The following CEP72 variants were observed in gnomAD, a reference collection of about 807,000 sequenced individuals.
CEP72 encodes centrosomal protein of 72 kDa.
CEP72 carries 78 observed loss-of-function variants against 65.7 expected under a neutral mutation model. The ratio of observed to expected loss-of-function variants is 1.19; its 90% CI spans 0.99 to 1.43. CEP72 has a LOEUF of 1.43. Among genes scored for constraint, CEP72 ranks in the 40% most tolerant of loss-of-function variants. The pLI is 0.00. For synonymous variants in CEP72, 358 were observed against 351.7 expected (o/e 1.02, Z -0.20); for missense variants, 914 against 832.9 (o/e 1.10, Z -1.20).
chr5:659,204 C>T (rs925968766), downstream of CEP72, among the ~76,000 whole-genome samples: 9 of 152,382 alleles, frequency 5.9e-5, no homozygotes, highest in African/African-American at 1.2e-4. Context: ...TCCTGGAGCG[C>T]GAGGCGCGCG....
At chr5:648,361 GTGAGGTGTGA>G (rs1412100987) in intron 11 of CEP72, among the ~76,000 whole-genome samples, 14 of 101,306 alleles carry the variant, frequency 1.4e-4, no homozygotes, top group African/African-American at 5.6e-4. Context: ...AGGTGTGACT[GTGAGGTGTGA>G]CCACGAGGCA....
chr5:643,555 A>G, intron 9 of CEP72: 1 of 985,342 alleles, frequency 1.0e-6, no homozygotes, highest in Non-Finnish European at 1.2e-6. Flanking sequence ...CCCCAGCACG[A>G]GGCTTCTGCT....
At position 635,461 on chromosome 5, in the gene CEP72, A is replaced by G; in HGVS notation, c.781A>G (p.Arg261Gly). The G allele has an allele frequency of 6.2e-7, 1 of 1,614,056 alleles. No homozygotes were observed. The highest frequency in any genetic ancestry group is 8.5e-7 in the Non-Finnish European group (1 of 1,179,908). The change falls in exon 6 of 12, where the codon AGA becomes GGA. Residue 261 changes from arginine to glycine, a missense_variant. Transcript: ENST00000264935. ...CCGTGAGACGAGGAGGAGCAGCTGC[A>G]GAGGGTGCTGTCTGGAGAAGATGCC... ...QGRETRRSSC[R>G]GCCLEKMPWS...
At position 619,092 on chromosome 5, in the gene CEP72, C is replaced by G; in HGVS notation, c.185C>G (p.Ser62Trp). The change falls in exon 2 of 12, where the codon TCG becomes TGG. Residue 62 changes from serine to tryptophan, a missense_variant. Ser to Trp is a radical substitution (Grantham distance 177). Coordinates refer to ENST00000264935, the MANE Select transcript of CEP72 (RefSeq NM_018140.4). The stretch of plus-strand genomic sequence containing the variant: ...ACAGGTCTGAAATCTTTGGATCTCT[C>G]GCGCAACTCCTTGGTTAGTCTGGAG... Reference protein sequence around the residue: ...SLTGLKSLDLSRNSLVSLEGI... With the variant: ...SLTGLKSLDLWRNSLVSLEGI... 6.2e-7 allele frequency: 1 copy of G among 1,613,700 alleles called. No homozygotes were observed. The highest frequency in any genetic ancestry group is 8.5e-7 in the Non-Finnish European group (1 of 1,179,666).
chr5:615,218 C>G lies in CEP72; in HGVS notation c.82+2775C>G, dbSNP rs764545931. 4.0e-4 allele frequency among the ~76,000 whole-genome samples: 60 copies of G among 149,892 alleles called. 1 individual carries two copies. Among genetic ancestry groups the G allele is most frequent in the Non-Finnish European group, 3.8e-4 (26 of 67,732 alleles). On this transcript the variant is annotated intron_variant, in intron 1 of 11. Coordinates refer to ENST00000264935, the MANE Select transcript of CEP72 (RefSeq NM_018140.4). ...TGGCACGATCTTGGGTCACTGCAACCTCTGCCTCCCGGGTTCACATGATTC... is the reference window on the plus strand; with the variant it reads ...TGGCACGATCTTGGGTCACTGCAACGTCTGCCTCCCGGGTTCACATGATTC...
Position 643,770 on chromosome 5 carries a change from G to T in CEP72, c.1540-529G>T, listed in dbSNP as rs914948950. On this transcript the variant is annotated intron_variant, in intron 9 of 11. Coordinates refer to ENST00000264935, the MANE Select transcript of CEP72 (RefSeq NM_018140.4). ...GGGCCAGGGAGGGGCAGAGGCTGCC[G>T]TGTAGCTGCAGGCGTGGCCCTTTCC... 1.5e-5 allele frequency: 8 copies of T among 543,684 alleles called. No homozygotes were observed. The South Asian group carries it at 5.5e-4, about 38-fold the overall frequency. The allele number at this position is 543,684 out of a possible 1,614,324, so 33.7% of individuals were successfully genotyped here. A position where few individuals can be genotyped will look rare whatever the true frequency, so the allele number is the denominator to read the frequency against.
chr5:615,192 G>A (rs1267076253), intron 1 of CEP72, among the ~76,000 whole-genome samples: 2 of 146,132 alleles, frequency 1.4e-5, no homozygotes, highest in Admixed American at 7.0e-5. Context: ...CTGGAGTGCA[G>A]TGGCACGATC....
downstream of CEP72, chr5:653,617 C>T (rs1009147054): frequency 6.5e-6 from 1 of 152,924 alleles, no homozygotes; most frequent in African/African-American, 2.4e-5. Flanking sequence ...TTTTATAGAA[C>T]AAGCTGTGCA....
downstream of CEP72, among the ~76,000 whole-genome samples, chr5:668,288 C>T (rs1469654310): frequency 2.4e-3 from 176 of 73,712 alleles, 23 homozygotes; most frequent in African/African-American, 8.0e-3. Flanking sequence ...CGCGTGGGCG[C>T]CGTCAGGGAA....
chr5:656,398 G>C (rs902508738), downstream of CEP72, among the ~76,000 whole-genome samples: 1 of 152,150 alleles, frequency 6.6e-6, no homozygotes, highest in Non-Finnish European at 1.5e-5. Context: ...TGCAGTACTG[G>C]GTTTTACAAG....
chr5:652,982 C>T lies in CEP72; in HGVS notation c.1779-6C>T, dbSNP rs773466611. On this transcript the variant is annotated splice_region_variant and splice_polypyrimidine_tract_variant and intron_variant, in intron 11 of 11. Transcript: ENST00000264935. ...GCCAAGCAGCCGCTTCCCTGTTGTT[C>T]TGCAGCTCCCTGGTCAGCACCAATG... is the stretch of plus-strand genomic sequence containing the variant. 6.2e-7 allele frequency: 1 copy of T among 1,600,618 alleles called. No individual in the cohort carries two copies. Among genetic ancestry groups the T allele is most frequent in the South Asian group, 1.1e-5 (1 of 89,244 alleles).
Position 640,507 on chromosome 5 carries a change from G to A in CEP72, c.1442G>A (p.Ser481Asn), listed in dbSNP as rs531798444. 1.6e-5 allele frequency: 26 copies of A among 1,614,170 alleles called. No individual in the cohort carries two copies. The highest frequency in any genetic ancestry group is 1.6e-4 in the Middle Eastern group (1 of 6,062). The change falls in exon 9 of 12, where the codon AGT becomes AAT. Residue 481 changes from serine (S) to asparagine (N), a missense_variant. Transcript: ENST00000264935. Reference sequence around the variant, plus strand: ...GATGTCGGCTCCCTGGCTCTGGAGAGTAAGTCCCTGCAAAGCCGCCTTGCT... The same window carrying A: ...GATGTCGGCTCCCTGGCTCTGGAGAATAAGTCCCTGCAAAGCCGCCTTGCT... ...GEDVGSLALESKSLQSRLAEQ... is the reference protein window; with the variant it reads ...GEDVGSLALENKSLQSRLAEQ...
chr5:672,765 C>T, the CEP72 span, among the ~76,000 whole-genome samples: 1 of 152,258 alleles, frequency 6.6e-6, no homozygotes, highest in African/African-American at 2.4e-5. Context: ...CACGCTATGC[C>T]TCCATTAATA....
the CEP72 span, among the ~76,000 whole-genome samples, chr5:673,465 G>A: frequency 1.3e-5 from 2 of 152,008 alleles, no homozygotes; most frequent in Non-Finnish European, 2.9e-5. Flanking sequence ...TGAATGGGGA[G>A]GGGGGGAGGT....
chr5:635,674 C>T lies in CEP72; in HGVS notation c.904+90C>T, dbSNP rs543819922. The T allele has an allele frequency of 4.3e-5, 48 of 1,113,200 alleles. No homozygotes were observed. In the African/African-American group the frequency reaches 5.4e-4, roughly 13 times the overall value. 69.0% of individuals were successfully genotyped at this position (1,113,200 alleles called of 1,614,324 possible). A position where few individuals can be genotyped will look rare whatever the true frequency, so the allele number is the denominator to read the frequency against. On this transcript the variant is annotated intron_variant, in intron 6 of 11. Coordinates refer to ENST00000264935, the MANE Select transcript of CEP72 (RefSeq NM_018140.4). ...ATAAAGAACAGAAGCTTATGTGGCTCATGGTTCTGGAGGCTGGGAAGTCCA... is the reference window on the plus strand; with the variant it reads ...ATAAAGAACAGAAGCTTATGTGGCTTATGGTTCTGGAGGCTGGGAAGTCCA...
Position 624,598 on chromosome 5 carries a change from C to T in CEP72, c.512+19C>T, listed in dbSNP as rs769970021. ...AGGGCAGGTATGAACGGAAGTGCTA[C>T]GGACACCCAGAGTGTTTCTGACTGG... On this transcript the variant is annotated intron_variant, in intron 4 of 11. Coordinates refer to ENST00000264935, the MANE Select transcript of CEP72 (RefSeq NM_018140.4). This position sits in a 1 kb window ranked among gnomAD's most constrained non-coding sequence, Gnocchi z 4.7. 35 of 1,525,338 alleles carry T rather than the reference C, an allele frequency of 2.3e-5. No individual in the cohort carries two copies. Among genetic ancestry groups the T allele is most frequent in the East Asian group, 1.8e-4 (8 of 44,444 alleles). The allele number at this position is 1,525,338 out of a possible 1,614,324, so 94.5% of individuals were successfully genotyped here.
rs199940073 is a variant in CEP72 at position 649,435 on chromosome 5, G to T, written c.1778+1519G>T. On this transcript the variant is annotated intron_variant, in intron 11 of 11. Transcript: ENST00000264935. The stretch of plus-strand genomic sequence containing the variant: ...GGACTGTGAGGCGTGGACTGTGAGG[G>T]GTGACTGTGAGGTGTGGACTGTGAG... Among the ~76,000 whole-genome samples, 10 of 109,020 alleles carry T rather than the reference G, an allele frequency of 9.2e-5. No homozygotes were observed. The South Asian group carries it at 1.0e-3, about 11-fold the overall frequency. The allele number at this position is 109,020 out of a possible 152,430, so 71.5% of individuals were successfully genotyped here.
intron 7 of CEP72, among the ~76,000 whole-genome samples, chr5:638,202 A>T (rs1213503754): frequency 6.6e-6 from 1 of 152,194 alleles, no homozygotes; most frequent in Non-Finnish European, 1.5e-5. Flanking sequence ...CTTACGGTGC[A>T]CAGGGCATTT....
Position 625,248 on chromosome 5 carries a change from G to A in CEP72, c.512+669G>A, listed in dbSNP as rs116646446. Among the ~76,000 whole-genome samples the A allele has an allele frequency of 3.5e-3, 540 of 152,350 alleles. 2 individuals are homozygous for A. Among genetic ancestry groups the A allele is most frequent in the Non-Finnish European group, 5.4e-3 (364 of 68,028 alleles). ...TTGATTCAAGGGGCAGAAATCAGTG[G>A]ACTCTGTCTGCATAGCCGTGGAAAG... On this transcript the variant is annotated intron_variant, in intron 4 of 11. Transcript: ENST00000264935.
Sources: allele counts gnomAD v4.1 joint callset (sites outside exome capture counted in the v4.1 genomes callset), GRCh38; gene constraint gnomAD v4.1.1; non-coding constraint Gnocchi (gnomAD v3.1); transcripts MANE v1.5; gene names NCBI Gene and HGNC (gene_info 2026-07-23, HGNC 2026-07-21).